The following RCC1L variants were observed in gnomAD, a reference collection of about 807,000 sequenced individuals.
The protein encoded by RCC1L is RCC1-like G exchanging factor-like protein.
Under a neutral mutation model 58.6 loss-of-function variants are expected in RCC1L, and 46 were observed. The ratio of observed to expected loss-of-function variants is 0.79; its 90% CI spans 0.62 to 1.00. RCC1L has a LOEUF of 1.00. RCC1L is among the 50% of genes least tolerant of loss of function. The pLI is 0.00. For synonymous variants in RCC1L, 281 were observed against 262.9 expected (o/e 1.07, Z -0.67); for missense variants, 636 against 623.6 (o/e 1.02, Z -0.21).
intron 1 of RCC1L, among the ~76,000 whole-genome samples, chr7:75,072,161 C>CATATACATATACATATATATATATATAT (rs1455614533): frequency 2.2e-5 from 1 of 46,366 alleles, no homozygotes; most frequent in African/African-American, 5.8e-5. Context: ...TATACATATA[C>CATATACATATACATATATATATATATAT]ATATATATAT....
chr7:75,066,704 G>C lies in RCC1L; in HGVS notation c.543C>G (p.Cys181Trp), dbSNP rs781976305. 2 of 1,613,106 alleles carry C rather than the reference G, an allele frequency of 1.2e-6. No individual in the cohort carries two copies. Among genetic ancestry groups the C allele is most frequent in the Non-Finnish European group, 1.7e-6 (2 of 1,179,508 alleles). Residue 181 changes from cysteine to tryptophan, a missense_variant, in exon 3 of 11, where the codon TGC becomes TGG. Physicochemically the swap from Cys to Trp is radical, Grantham distance 215 (BLOSUM62 -2). Coordinates refer to ENST00000610322, the MANE Select transcript of RCC1L (RefSeq NM_030798.5). ...TCAACACAAGAGAGTGAGCTCGGCC[G>C]CAGGAGACCTGCAGCACCCGTGTCT... ...PQETRVLQVS[C>W]GRAHSLVLTD...
At position 75,031,519 on chromosome 7, in the gene RCC1L, A is replaced by G. The variant is rs1047970092; in HGVS notation, c.1318-3440T>C. Among the ~76,000 whole-genome samples the G allele has an allele frequency of 8.8e-5, 10 of 113,780 alleles. No individual in the cohort carries two copies. The East Asian group carries it at 2.0e-3, about 23-fold the overall frequency. The allele number at this position is 113,780 out of a possible 152,430, so 74.6% of individuals were successfully genotyped here. ...CTTTGTAAAGTGTTAATTAAAATGA[A>G]AAAAAAAAACGATGCTGGCTGGTGG... is the stretch of plus-strand genomic sequence containing the variant. On this transcript the variant is annotated intron_variant, in intron 10 of 10. Transcript: ENST00000614461.
intron 10 of RCC1L, among the ~76,000 whole-genome samples, chr7:75,030,563 T>C (rs1052941101): frequency 1.3e-5 from 2 of 152,206 alleles, no homozygotes; most frequent in African/African-American, 2.4e-5. Context: ...TAGCTAAGGA[T>C]TGGAGGATGC....
chr7:75,050,718 C>T (rs369890885), intron 10 of RCC1L, among the ~76,000 whole-genome samples: 102 of 152,242 alleles, frequency 6.7e-4, no homozygotes, highest in East Asian at 1.2e-3. Context: ...TTCCTCACAC[C>T]GGCAGTTTCC....
chr7:75,053,786 C>A (rs1339358456), intron 9 of RCC1L, among the ~76,000 whole-genome samples: 1 of 152,082 alleles, frequency 6.6e-6, no homozygotes, highest in Non-Finnish European at 1.5e-5. Flanking sequence ...CATGGAAAAG[C>A]CAGGACTACA....
chr7:75,060,143 T>C (rs1178359333), intron 6 of RCC1L, among the ~76,000 whole-genome samples: 4 of 152,346 alleles, frequency 2.6e-5, no homozygotes, highest in African/African-American at 9.6e-5. Context: ...CCTTTTCAGA[T>C]AGGCTTCTTT....
chr7:75,052,636 C>G, intron 10 of RCC1L, 75 bp downstream of exon 10: 1 of 1,416,914 alleles, frequency 7.1e-7, no homozygotes, highest in Non-Finnish European at 9.8e-7. Flanking sequence ...CCCATCTGCA[C>G]GCGAGGTGTC....
intron 10 of RCC1L, among the ~76,000 whole-genome samples, chr7:75,050,718 C>A (rs369890885): frequency 6.6e-6 from 1 of 152,126 alleles, no homozygotes; most frequent in Non-Finnish European, 1.5e-5. Context: ...TTCCTCACAC[C>A]GGCAGTTTCC....
chr7:75,068,002 A>C (rs1806564820), intron 2 of RCC1L, among the ~76,000 whole-genome samples: 1 of 152,070 alleles, frequency 6.6e-6, no homozygotes, highest in Non-Finnish European at 1.5e-5. Flanking sequence ...TAAGTCTAAA[A>C]TTGCTCTGAA....
intron 6 of RCC1L, among the ~76,000 whole-genome samples, chr7:75,060,956 C>T (rs1806257628): frequency 2.0e-5 from 3 of 151,990 alleles, no homozygotes; most frequent in African/African-American, 4.8e-5. Context: ...CACCTGTTGT[C>T]CCAGCTACTC....
intron 10 of RCC1L, among the ~76,000 whole-genome samples, chr7:75,033,689 T>C (rs1805368031): frequency 1.4e-5 from 2 of 141,790 alleles, no homozygotes; most frequent in South Asian, 2.3e-4. Context: ...GGCGAGTCTC[T>C]ATCAAAAAAA....
downstream of RCC1L, among the ~76,000 whole-genome samples, chr7:75,041,894 GA>G (rs1805579066): frequency 6.9e-6 from 1 of 145,622 alleles, no homozygotes; most frequent in African/African-American, 2.5e-5. Flanking sequence ...AAAAGAAAAA[GA>G]AAATATTTGT....
intron 10 of RCC1L, among the ~76,000 whole-genome samples, chr7:75,029,431 C>T (rs1432159396): frequency 6.7e-6 from 1 of 149,698 alleles, no homozygotes; most frequent in Non-Finnish European, 1.5e-5. Flanking sequence ...GCAACCTCTG[C>T]TTCCCAGGTT....
In RCC1L at chr7:75,070,780, G is replaced by T; in HGVS notation, c.325-11C>A. The T allele has an allele frequency of 6.2e-7, 1 of 1,613,626 alleles. No homozygotes were observed. The highest frequency in any genetic ancestry group is 1.3e-5 in the African/African-American group (1 of 74,992). On this transcript the variant is annotated splice_polypyrimidine_tract_variant and intron_variant, in intron 1 of 10. Transcript: ENST00000610322. ...AGCAGCAGATGAAATCTGAAAAGCA[G>T]TTCCCACAAAGCATGAACTGATTTA...
At chr7:75,033,434 C>T (rs1420495373) in intron 10 of RCC1L, among the ~76,000 whole-genome samples, 5 of 151,996 alleles carry the variant, frequency 3.3e-5, no homozygotes, top group African/African-American at 7.3e-5. Context: ...AGTGACTCAA[C>T]GCCTGTCATC....
downstream of RCC1L, among the ~76,000 whole-genome samples, chr7:75,038,986 G>A (rs1476183310): frequency 1.3e-5 from 2 of 152,314 alleles, no homozygotes; most frequent in African/African-American, 4.8e-5. Flanking sequence ...GACAACAGGC[G>A]CGCGTCACCA....
At position 75,042,277 on chromosome 7, in the gene RCC1L, C is replaced by T; in HGVS notation, c.*755G>A. On this transcript the variant is annotated 3_prime_UTR_variant, in exon 11 of 11. Transcript: ENST00000610322. Reference sequence around the variant, plus strand: ...AGGCAAGTCACGCTACTAAATCAAACATTGTTCACAATTTCTGGATCTTCC... The same window carrying T: ...AGGCAAGTCACGCTACTAAATCAAATATTGTTCACAATTTCTGGATCTTCC... 1.0e-6 allele frequency: 1 copy of T among 985,480 alleles called. No individual in the cohort carries two copies. The highest frequency in any genetic ancestry group is 4.7e-5 in the South Asian group (1 of 21,294). 61.0% of individuals were successfully genotyped at this position (985,480 alleles called of 1,614,324 possible).
At chr7:75,072,192 G>GAGAGAGAGAGAGAGAGA in intron 1 of RCC1L, among the ~76,000 whole-genome samples, 1 of 63,254 alleles carries the variant, frequency 1.6e-5, no homozygotes, top group Non-Finnish European at 3.6e-5. Context: ...ATATATATAT[G>GAGAGAGAGAGAGAGAGA]GAGAGAGAGA....
chr7:75,068,256 G>T (rs775393338), intron 2 of RCC1L, among the ~76,000 whole-genome samples: 12 of 150,158 alleles, frequency 8.0e-5, no homozygotes, highest in Non-Finnish European at 1.5e-4. Flanking sequence ...GGAGGAGGAG[G>T]CTGCGGTCAG....
Sources: gnomAD v4.1 joint callset for allele counts (sites outside exome capture counted in the v4.1 genomes callset) on GRCh38, gnomAD v4.1.1 for gene constraint, MANE v1.5 for transcripts, NCBI Gene and HGNC (gene_info 2026-07-23, HGNC 2026-07-21) for gene names.